Variants in EPHA5 observed in about 807,000 individuals in gnomAD.
EPHA5 encodes the protein ephrin type-A receptor 5.
EPHA5 carries 60 observed loss-of-function variants against 105.0 expected under a neutral mutation model. That is an observed-to-expected ratio of 0.57 (90% CI 0.46 to 0.71). The LOEUF (loss-of-function observed/expected upper bound fraction) is 0.71. Ranked by LOEUF, EPHA5 falls within the 30% of genes least tolerant of loss-of-function variation. The pLI is 0.00. For missense variants in EPHA5, 1,218 were observed against 1,274.7 expected (o/e 0.96, Z 0.68); for synonymous variants, 513 against 449.1 (o/e 1.14, Z -1.80).
rs532164886 is a variant in EPHA5, at chr4:65,369,881, C to T, written c.1794-2457G>A. The stretch of plus-strand genomic sequence containing the variant: ...GCTTGGGAGGCTGAGGCAGAAGAAT[C>T]GCTTGAATCCAGGAGCCGGAGGTTG... On this transcript the variant is annotated intron_variant, in intron 8 of 16. Coordinates refer to ENST00000613740, the MANE Select transcript of EPHA5 (RefSeq NM_001281766.3). 1.5e-3 allele frequency among the ~76,000 whole-genome samples: 234 copies of T among 152,118 alleles called. 2 individuals are homozygous for T. Among genetic ancestry groups the T allele is most frequent in the African/African-American group, 5.2e-3 (216 of 41,524 alleles).
At chr4:65,427,522 G>T (rs1560526027) in intron 5 of EPHA5, among the ~76,000 whole-genome samples, 1 of 152,050 alleles carries the variant, frequency 6.6e-6, no homozygotes, top group African/African-American at 2.4e-5. Flanking sequence ...CTTCAGTAAA[G>T]AACAGATTTT....
intron 8 of EPHA5, among the ~76,000 whole-genome samples, chr4:65,398,448 G>A (rs1721472084): frequency 6.6e-6 from 1 of 152,156 alleles, no homozygotes; most frequent in Non-Finnish European, 1.5e-5. Context: ...GATGGTGGCA[G>A]GAGGCAGACA....
intron 3 of EPHA5, among the ~76,000 whole-genome samples, chr4:65,519,700 T>G (rs1487025287): frequency 6.6e-6 from 1 of 152,054 alleles, no homozygotes; most frequent in Non-Finnish European, 1.5e-5. Flanking sequence ...AAAATCAATG[T>G]GCAAAAATCA....
chr4:65,421,761 C>A (rs1723967461), intron 5 of EPHA5, among the ~76,000 whole-genome samples: 1 of 151,972 alleles, frequency 6.6e-6, no homozygotes, highest in Non-Finnish European at 1.5e-5. Context: ...TGGTTTAGTT[C>A]ACTGCTACAT....
chr4:65,621,945 G>A (rs1393116666), intron 2 of EPHA5, among the ~76,000 whole-genome samples: 1 of 152,102 alleles, frequency 6.6e-6, no homozygotes, highest in Non-Finnish European at 1.5e-5. Context: ...ATTAAGATCA[G>A]CACTCTGAGT....
intron 2 of EPHA5, among the ~76,000 whole-genome samples, chr4:65,636,232 T>C (rs888870854): frequency 6.6e-6 from 1 of 152,190 alleles, no homozygotes; most frequent in African/African-American, 2.4e-5. Context: ...ATGTTCTATA[T>C]GTTGTTTCAA....
intron 8 of EPHA5, among the ~76,000 whole-genome samples, chr4:65,389,439 T>C (rs1252524190): frequency 6.6e-6 from 1 of 152,040 alleles, no homozygotes. Flanking sequence ...TTTTACATTG[T>C]ATGTGTAATA....
chr4:65,567,641 C>T (rs745922630), intron 3 of EPHA5, among the ~76,000 whole-genome samples: 4 of 151,522 alleles, frequency 2.6e-5, no homozygotes, highest in Non-Finnish European at 4.4e-5. Flanking sequence ...AATTTCAACA[C>T]ATATCTAAGT....
At chr4:65,405,902 C>G (rs1487670969) in intron 7 of EPHA5, among the ~76,000 whole-genome samples, 1 of 151,928 alleles carries the variant, frequency 6.6e-6, no homozygotes, top group Non-Finnish European at 1.5e-5. Context: ...CTCTCTTTCT[C>G]CTTCTTTTTT....
At chr4:65,540,297 C>A (rs970728176) in intron 3 of EPHA5, among the ~76,000 whole-genome samples, 4 of 151,342 alleles carry the variant, frequency 2.6e-5, no homozygotes, top group East Asian at 3.9e-4. Context: ...TCAAAAGAAT[C>A]AAGTTGTCTT....
chr4:65,583,163 C>T (rs1460964636), intron 3 of EPHA5, among the ~76,000 whole-genome samples: 1 of 151,304 alleles, frequency 6.6e-6, no homozygotes, highest in Non-Finnish European at 1.5e-5. Context: ...ATATAAAATT[C>T]CTGCTCTCGG....
Position 65,643,439 on chromosome 4 carries a change from A to C in EPHA5, c.182-12T>G. 4 of 1,610,344 alleles carry C rather than the reference A, an allele frequency of 2.5e-6. No homozygotes were observed. The highest frequency in any genetic ancestry group is 3.4e-6 in the Non-Finnish European group (4 of 1,177,004). On this transcript the variant is annotated splice_polypyrimidine_tract_variant and intron_variant, in intron 1 of 16. Coordinates refer to ENST00000613740, the MANE Select transcript of EPHA5 (RefSeq NM_001281766.3). ...ATCCAATAAATTCACTGAAAAGAAA[A>C]GAACAAAAAACTCAGTGAAATGTAT...
chr4:65,352,054 C>G (rs995502734), intron 12 of EPHA5, among the ~76,000 whole-genome samples: 2 of 151,916 alleles, frequency 1.3e-5, no homozygotes, highest in African/African-American at 4.8e-5. Flanking sequence ...GAGCAGTGAT[C>G]AGGTCAATGT....
chr4:65,396,836 A>T (rs1219093325), intron 8 of EPHA5, among the ~76,000 whole-genome samples: 2 of 152,186 alleles, frequency 1.3e-5, no homozygotes, highest in African/African-American at 2.4e-5. Flanking sequence ...GAAGCTGCAG[A>T]AACAGGCCAT....
intron 3 of EPHA5, among the ~76,000 whole-genome samples, chr4:65,531,469 G>A (rs1735790794): frequency 6.9e-6 from 1 of 145,930 alleles, no homozygotes; most frequent in Admixed American, 7.1e-5. Context: ...TGTCTTTGCA[G>A]AATGACCATG....
intron 5 of EPHA5, among the ~76,000 whole-genome samples, chr4:65,473,810 G>A (rs564549759): frequency 7.3e-5 from 11 of 151,558 alleles, no homozygotes; most frequent in Non-Finnish European, 1.3e-4. Context: ...CATAGTACCC[G>A]ACAGGTAGTT....
chr4:65,487,995 A>G (rs894682432), intron 5 of EPHA5, among the ~76,000 whole-genome samples: 3 of 152,178 alleles, frequency 2.0e-5, no homozygotes, highest in Non-Finnish European at 4.4e-5. Flanking sequence ...TCTTATTTTG[A>G]TGTTTTGGGT....
intron 3 of EPHA5, among the ~76,000 whole-genome samples, chr4:65,520,097 T>C (rs1288834082): frequency 6.6e-6 from 1 of 152,194 alleles, no homozygotes; most frequent in Non-Finnish European, 1.5e-5. Flanking sequence ...AGAACAAAGC[T>C]GAAGGTATCA....
At chr4:65,523,280 C>T (rs1226996150) in intron 3 of EPHA5, among the ~76,000 whole-genome samples, 1 of 151,816 alleles carries the variant, frequency 6.6e-6, no homozygotes, top group African/African-American at 2.4e-5. Context: ...TTTTCCTTTG[C>T]TCCGTGCTTC....
Sources: gnomAD v4.1 joint callset for allele counts (sites outside exome capture counted in the v4.1 genomes callset) on GRCh38, gnomAD v4.1.1 for gene constraint, MANE v1.5 for transcripts, NCBI Gene and HGNC (gene_info 2026-07-23, HGNC 2026-07-21) for gene names.